The following FGF1 variants were observed in gnomAD, a reference collection of about 807,000 sequenced individuals.
FGF1 encodes the protein fibroblast growth factor 1.
A neutral mutation model predicts 13.4 loss-of-function variants in FGF1; 9 were observed. The ratio of observed to expected loss-of-function variants is 0.67; its 90% CI spans 0.40 to 1.17. The LOEUF (loss-of-function observed/expected upper bound fraction) is 1.17. Ranked by LOEUF, FGF1 falls within the 50% of genes most tolerant of loss-of-function variation. The pLI, the probability that FGF1 is intolerant of heterozygous loss-of-function variation, is 0.01. For missense variants in FGF1, 156 were observed against 192.7 expected (o/e 0.81, Z 1.13); for synonymous variants, 93 against 79.0 (o/e 1.18, Z -0.94).
intron 1 of FGF1, chr5:142,680,982 A>C (rs912153146): frequency 6.6e-6 from 1 of 152,152 alleles, no homozygotes; most frequent in Non-Finnish European, 1.5e-5. Flanking sequence ...TTCCCCTGTG[A>C]TTCTTATGCA....
chr5:142,643,120 A>G (rs892531495), intron 1 of FGF1, among the ~76,000 whole-genome samples: 1 of 152,192 alleles, frequency 6.6e-6, no homozygotes, highest in African/African-American at 2.4e-5. Context: ...CTGCCTCCTC[A>G]TTTGAAGAAA....
At chr5:142,596,215 A>T (rs1755209776) in intron 3 of FGF1, among the ~76,000 whole-genome samples, 1 of 152,248 alleles carries the variant, frequency 6.6e-6, no homozygotes, top group South Asian at 2.1e-4. Flanking sequence ...CATGCCTGTA[A>T]TCACAACACT....
chr5:142,653,294 T>C (rs1482179241), intron 1 of FGF1, among the ~76,000 whole-genome samples: 4 of 152,152 alleles, frequency 2.6e-5, no homozygotes, highest in Non-Finnish European at 5.9e-5. Flanking sequence ...CGGCAGCCGG[T>C]AGTTGCGGCA....
At chr5:142,696,782 C>G (rs1218798950) in intron 2 of FGF1, among the ~76,000 whole-genome samples, 1 of 152,210 alleles carries the variant, frequency 6.6e-6, no homozygotes, top group Non-Finnish European at 1.5e-5. Context: ...TCCATGGTTA[C>G]TAAATGAATC....
In FGF1 at chr5:142,641,681, C is replaced by T. The variant is rs1003926703; in HGVS notation, c.-34-27520G>A. On this transcript the variant is annotated intron_variant, in intron 1 of 3. Transcript: ENST00000337706. ...TATCTCATGATTTATTATAGCAGCA[C>T]CACCGTATAAACAGTGTTATTTCCA... Among the ~76,000 whole-genome samples the T allele has an allele frequency of 2.6e-5, 4 of 151,964 alleles. No homozygotes were observed. The South Asian group carries it at 8.3e-4, about 31-fold the overall frequency.
At chr5:142,689,051 T>C (rs1322199125), upstream of FGF1, among the ~76,000 whole-genome samples, 3 of 152,184 alleles carry the variant, frequency 2.0e-5, no homozygotes, top group African/African-American at 4.8e-5. Context: ...CCCCAATATA[T>C]ACATTTTTTT....
Position 142,619,224 on chromosome 5 carries a change from A to G in FGF1, c.-34-5063T>C, listed in dbSNP as rs574456866. Reference sequence around the variant, plus strand: ...GCTGGGATTACAGGCGTGAGCCACCACGCCCAGCCTTTAGTTTTGTTTTTA... The same window carrying G: ...GCTGGGATTACAGGCGTGAGCCACCGCGCCCAGCCTTTAGTTTTGTTTTTA... On this transcript the variant is annotated intron_variant, in intron 1 of 3. Coordinates refer to ENST00000337706, the MANE Select transcript of FGF1 (RefSeq NM_000800.5). Among the ~76,000 whole-genome samples the G allele has an allele frequency of 4.1e-4, 62 of 152,110 alleles. No individual in the cohort carries two copies. In the East Asian group the frequency reaches 6.2e-3, roughly 15 times the overall value.
chr5:142,689,989 C>T (rs1439368647), upstream of FGF1, among the ~76,000 whole-genome samples: 1 of 148,980 alleles, frequency 6.7e-6, no homozygotes, highest in African/African-American at 2.4e-5. Flanking sequence ...GCGTGAGCCA[C>T]CGCGCCCGGC....
intron 2 of FGF1, among the ~76,000 whole-genome samples, chr5:142,606,904 C>T (rs779069065): frequency 5.3e-5 from 8 of 152,096 alleles, no homozygotes; most frequent in Non-Finnish European, 7.4e-5. Context: ...ATATCTAGTG[C>T]ATAGTTTTCT....
At chr5:142,610,397 A>T (rs1028317611) in intron 2 of FGF1, among the ~76,000 whole-genome samples, 1 of 152,190 alleles carries the variant, frequency 6.6e-6, no homozygotes, top group African/African-American at 2.4e-5. Context: ...CCATTAAATA[A>T]TCGCACAAAT....
At chr5:142,671,544 C>T (rs546175975) in intron 1 of FGF1, among the ~76,000 whole-genome samples, 141 of 152,290 alleles carry the variant, frequency 9.3e-4, no homozygotes, top group Admixed American at 3.2e-3. Flanking sequence ...CCTGGTTCTT[C>T]GTAAGGAAGA....
intron 1 of FGF1, among the ~76,000 whole-genome samples, chr5:142,630,346 A>G (rs542267565): frequency 5.8e-4 from 88 of 152,212 alleles, no homozygotes; most frequent in African/African-American, 2.0e-3. Flanking sequence ...CACGTTAAGT[A>G]CTTATTACCA....
chr5:142,630,614 C>A (rs1336546566), intron 1 of FGF1, among the ~76,000 whole-genome samples: 1 of 152,204 alleles, frequency 6.6e-6, no homozygotes. Flanking sequence ...TCCTCCCTCC[C>A]TTTGCCCCTC....
At chr5:142,644,449 T>A (rs1765686429) in intron 1 of FGF1, 1 of 152,084 alleles carries the variant, frequency 6.6e-6, no homozygotes, top group African/African-American at 2.4e-5. Flanking sequence ...CATACACACG[T>A]ACATCTTGGT....
At chr5:142,690,252 C>A (rs968120034), upstream of FGF1, among the ~76,000 whole-genome samples, 1 of 150,514 alleles carries the variant, frequency 6.6e-6, no homozygotes, top group African/African-American at 2.4e-5. Flanking sequence ...ACCCGGTGAA[C>A]CCGGCGAACC....
At chr5:142,687,358 C>T (rs1448818297), upstream of FGF1, among the ~76,000 whole-genome samples, 1 of 152,168 alleles carries the variant, frequency 6.6e-6, no homozygotes, top group African/African-American at 2.4e-5. Flanking sequence ...AGGGATGAGC[C>T]TTGGAGAAGG....
intron 1 of FGF1, among the ~76,000 whole-genome samples, chr5:142,642,889 C>T (rs1052711434): frequency 2.6e-5 from 4 of 152,086 alleles, no homozygotes; most frequent in African/African-American, 4.8e-5. Context: ...TTTTTGTGTA[C>T]ACAACATCAA....
chr5:142,659,513 G>A (rs749057960), intron 1 of FGF1, among the ~76,000 whole-genome samples: 55 of 152,178 alleles, frequency 3.6e-4, no homozygotes, highest in Admixed American at 6.5e-4. Flanking sequence ...GAGCCACTGC[G>A]CCCAGCCCTT....
chr5:142,632,810 C>CACCTTCACTTGTAATGGTTGT (rs1763568571), intron 1 of FGF1, among the ~76,000 whole-genome samples: 1 of 152,116 alleles, frequency 6.6e-6, no homozygotes, highest in African/African-American at 2.4e-5. Context: ...GTAATGGTTG[C>CACCTTCACTTGTAATGGTTGT]ACCTTCACTT....
Sources: allele counts gnomAD v4.1 joint callset (sites outside exome capture counted in the v4.1 genomes callset), GRCh38; gene constraint gnomAD v4.1.1; transcripts MANE v1.5; gene names NCBI Gene and HGNC (gene_info 2026-07-23, HGNC 2026-07-21).